Variants in NREP observed in about 807,000 individuals in gnomAD.
NREP encodes neuronal regeneration related protein.
A neutral mutation model predicts 8.6 loss-of-function variants in NREP; 5 were observed. The observed-to-expected ratio is 0.58, with a 90% CI of 0.30 to 1.22. NREP has a LOEUF of 1.22. Among genes scored for constraint, NREP ranks in the 50% most tolerant of loss-of-function variants. The probability of loss-of-function intolerance (pLI) is 0.07; values close to 1 mark genes in which losing one functional copy is unlikely to be tolerated. For synonymous variants in NREP, 27 were observed against 28.0 expected, an observed-to-expected ratio of 0.96 and a Z score of 0.11; for missense variants, 86 against 82.5, an observed-to-expected ratio of 1.04 and a Z score of -0.17.
At chr5:111,871,114 A>G (rs1374784130) in intron 2 of NREP, among the ~76,000 whole-genome samples, 1 of 150,286 alleles carries the variant, frequency 6.7e-6, no homozygotes, top group Non-Finnish European at 1.5e-5. Flanking sequence ...TAACAGGAAT[A>G]TGTTGTGAGA....
chr5:111,775,284 T>C (rs145017257), intron 2 of NREP, among the ~76,000 whole-genome samples: 1 of 152,150 alleles, frequency 6.6e-6, no homozygotes, highest in Non-Finnish European at 1.5e-5. Flanking sequence ...TAAGGGCATT[T>C]TATGGGATAC....
At position 111,888,867 on chromosome 5, in the gene NREP, T is replaced by C. The variant is rs141222717; in HGVS notation, c.135+86407A>G. ...TCGAGACCTCATTGAAATAAGAACA[T>C]AGGAGTACAAAATGAGCAAATATGT... is the stretch of plus-strand genomic sequence containing the variant. On this transcript the variant is annotated intron_variant, in intron 2 of 3. Transcript: ENST00000395634. Among the ~76,000 whole-genome samples the C allele has an allele frequency of 9.9e-3, 1,503 of 152,234 alleles. 24 individuals are homozygous for C. Among genetic ancestry groups the C allele is most frequent in the African/African-American group, 0.033 (1,366 of 41,534 alleles).
intron 2 of NREP, among the ~76,000 whole-genome samples, chr5:111,894,812 A>T (rs1754470366): frequency 6.6e-6 from 1 of 152,198 alleles, no homozygotes; most frequent in African/African-American, 2.4e-5. Flanking sequence ...TCAAGACCAG[A>T]ATGGGGAGGC....
chr5:111,868,920 G>C (rs760361269), intron 2 of NREP, among the ~76,000 whole-genome samples: 2 of 151,704 alleles, frequency 1.3e-5, no homozygotes, highest in African/African-American at 2.4e-5. Flanking sequence ...AACATGAATT[G>C]CAAGTATAGG....
At chr5:111,757,410 CTCTCTT>C (rs1339205423), upstream of NREP, 7 of 981,182 alleles carry the variant, frequency 7.1e-6, no homozygotes, top group East Asian at 1.1e-4. Context: ...GTGTGTGTCT[CTCTCTT>C]TCTCTAAGAG....
At chr5:111,930,502 C>A (rs560062071) in intron 2 of NREP, among the ~76,000 whole-genome samples, 4 of 152,188 alleles carry the variant, frequency 2.6e-5, no homozygotes, top group South Asian at 2.1e-4. Flanking sequence ...AGTTTTATGT[C>A]AAGAGCTGCT....
At chr5:111,780,788 G>A (rs560096012) in intron 2 of NREP, among the ~76,000 whole-genome samples, 1 of 152,210 alleles carries the variant, frequency 6.6e-6, no homozygotes, top group East Asian at 1.9e-4. Context: ...TTTCTACATT[G>A]CAAAGAAGGC....
At chr5:111,861,852 T>G (rs1381399309) in intron 2 of NREP, among the ~76,000 whole-genome samples, 1 of 152,134 alleles carries the variant, frequency 6.6e-6, no homozygotes, top group Non-Finnish European at 1.5e-5. Flanking sequence ...ACAGCACAGA[T>G]AGTTATTATA....
intron 2 of NREP, among the ~76,000 whole-genome samples, chr5:111,821,019 T>A (rs1413013885): frequency 6.6e-6 from 1 of 152,166 alleles, no homozygotes; most frequent in African/African-American, 2.4e-5. Flanking sequence ...TCTTTCAGAT[T>A]TCAGTTGGGT....
intron 2 of NREP, among the ~76,000 whole-genome samples, chr5:111,781,035 T>G (rs1751481381): frequency 1.3e-5 from 2 of 151,948 alleles, no homozygotes; most frequent in Admixed American, 1.3e-4. Context: ...AGTTCAAGGG[T>G]TTTTTATATA....
intron 2 of NREP, chr5:111,912,870 T>G (rs547507912): frequency 1.4e-3 from 210 of 152,268 alleles, no homozygotes; most frequent in African/African-American, 5.0e-3. Flanking sequence ...ACTGGCATCG[T>G]GCCTAGGTAA....
At position 111,790,347 on chromosome 5, in the gene NREP, C is replaced by CTTTTT. The variant is rs57775701; in HGVS notation, c.136-54845_136-54841dup. 1.0e-3 allele frequency among the ~76,000 whole-genome samples: 62 copies of CTTTTT among 59,618 alleles called. 1 individual carries two copies. Among genetic ancestry groups the CTTTTT allele is most frequent in the Admixed American group, 2.1e-3 (7 of 3,332 alleles). The allele number at this position is 59,618 out of a possible 152,430, so 39.1% of individuals were successfully genotyped here. ...TCACCCTATACTTCAAAAACCTTAA[C>CTTTTT]TTTTTTTTTTTTTTTTTTTTTTTTT... On this transcript the variant is annotated intron_variant, in intron 2 of 3. Transcript: ENST00000395634.
intron 2 of NREP, among the ~76,000 whole-genome samples, chr5:111,932,972 C>T (rs958591462): frequency 6.6e-6 from 1 of 152,048 alleles, no homozygotes; most frequent in African/African-American, 2.4e-5. Flanking sequence ...CGGTTCTGTC[C>T]TGGAGCTGGG....
At chr5:111,755,674 A>G (rs368654224) in intron 2 of NREP, 96 bp downstream of exon 2, 206 of 1,377,030 alleles carry the variant, frequency 1.5e-4, no homozygotes, top group Non-Finnish European at 2.0e-4. Context: ...GTGTAGAACA[A>G]TGAAGGGTTG....
intron 2 of NREP, among the ~76,000 whole-genome samples, chr5:111,853,681 C>CT (rs1009822755): frequency 1.7e-4 from 25 of 149,262 alleles, no homozygotes; most frequent in Admixed American, 7.4e-4. Flanking sequence ...TTTCTTTCTT[C>CT]TTTTTTTTTT....
chr5:111,976,764 T>C (rs753913384), exon 1 of NREP: 1 of 1,549,668 alleles, frequency 6.5e-7, no homozygotes. Context: ...TGCTTGAGGA[T>C]AAAGTTCAGT....
intron 2 of NREP, among the ~76,000 whole-genome samples, chr5:111,931,811 C>CT (rs551039820): frequency 5.3e-5 from 8 of 152,144 alleles, no homozygotes; most frequent in South Asian, 2.1e-4. Flanking sequence ...TTCATTCTCT[C>CT]TTTTTTTGAA....
At chr5:111,752,963 A>G (rs1750456400) in intron 2 of NREP, among the ~76,000 whole-genome samples, 2 of 152,332 alleles carry the variant, frequency 1.3e-5, no homozygotes, top group South Asian at 4.1e-4. Flanking sequence ...ATACCTAAAT[A>G]GATCTCATGT....
chr5:111,800,524 G>A (rs979299210), intron 2 of NREP, among the ~76,000 whole-genome samples: 5 of 152,168 alleles, frequency 3.3e-5, no homozygotes, highest in African/African-American at 4.8e-5. Context: ...GAATGATAGC[G>A]CATGTGTGGC....
Sources: allele counts gnomAD v4.1 joint callset (sites outside exome capture counted in the v4.1 genomes callset), GRCh38; gene constraint gnomAD v4.1.1; transcripts MANE v1.5; gene names NCBI Gene and HGNC (gene_info 2026-07-23, HGNC 2026-07-21).